Variants in SYK observed in about 807,000 individuals in gnomAD.
The protein encoded by SYK is spleen associated tyrosine kinase.
A neutral mutation model predicts 77.8 loss-of-function variants in SYK; 16 were observed. The observed-to-expected ratio is 0.21, with a 90% CI of 0.14 to 0.31. The LOEUF (loss-of-function observed/expected upper bound fraction) is 0.31. Among genes scored for constraint, SYK ranks in the 10% least tolerant of loss-of-function variants. SYK has a pLI of 1.00. For missense variants in SYK, 529 were observed against 814.4 expected (o/e 0.65, Z 4.26); for synonymous variants, 312 against 308.7 (o/e 1.01, Z -0.11).
Position 90,827,280 on chromosome 9 carries a change from T to C in SYK, c.-41-16578T>C, listed in dbSNP as rs1221565399. 5.3e-5 allele frequency among the ~76,000 whole-genome samples: 8 copies of C among 152,128 alleles called. No individual in the cohort carries two copies. In the East Asian group the frequency reaches 7.7e-4, roughly 15 times the overall value. On this transcript the variant is annotated intron_variant, in intron 1 of 13. Coordinates refer to ENST00000375754, the MANE Select transcript of SYK (RefSeq NM_003177.7). ...CTGGAGGGATCCATGTCTCAGAGCA[T>C]TACTTCATTTTGAATGTGCAATTAA...
Position 90,877,698 on chromosome 9 carries a change from G to C in SYK, c.1309G>C (p.Gly437Arg). The change falls in exon 10 of 14, where the codon GGG (glycine) becomes CGG (arginine). Residue 437 changes from glycine to arginine, a missense_variant. This residue lies in a region of SYK where 208 missense variants were observed against 381.3 expected (regional missense o/e 0.55). Coordinates refer to ENST00000375754, the MANE Select transcript of SYK (RefSeq NM_003177.7). ...CAACCCGTACATCGTGCGGATGATC[G>C]GGATATGCGAGGCCGAGTCCTGGAT... ...LDNPYIVRMI[G>R]ICEAESWMLV... 1 of 1,614,222 alleles carries C rather than the reference G, an allele frequency of 6.2e-7. No homozygotes were observed. The highest frequency in any genetic ancestry group is 1.1e-5 in the South Asian group (1 of 91,084).
At chr9:90,881,908 C>T (rs759201910) in intron 11 of SYK, among the ~76,000 whole-genome samples, 7 of 152,110 alleles carry the variant, frequency 4.6e-5, no homozygotes, top group Non-Finnish European at 1.0e-4. Context: ...CTGGAAACTG[C>T]CTGACGACTG....
intron 1 of SYK, among the ~76,000 whole-genome samples, chr9:90,816,385 C>T (rs532962631): frequency 6.6e-6 from 1 of 152,356 alleles, no homozygotes; most frequent in South Asian, 2.1e-4. Context: ...AAATCGTTCA[C>T]TGCCAGCCCT....
chr9:90,802,778 C>A (rs1035048330), intron 1 of SYK, among the ~76,000 whole-genome samples: 9 of 107,886 alleles, frequency 8.3e-5, no homozygotes, highest in Non-Finnish European at 1.5e-4. Flanking sequence ...AAGATTCAGT[C>A]GAACTCAAGT....
At chr9:90,849,350 AC>A (rs1419247395) in intron 3 of SYK, among the ~76,000 whole-genome samples, 6 of 152,090 alleles carry the variant, frequency 3.9e-5, no homozygotes, top group Non-Finnish European at 8.8e-5. Context: ...CCGTGCTTTT[AC>A]CTGGGTCCTG....
intron 3 of SYK, among the ~76,000 whole-genome samples, chr9:90,856,920 C>T (rs996091098): frequency 5.9e-5 from 9 of 152,216 alleles, no homozygotes; most frequent in African/African-American, 2.2e-4. Context: ...TTCCTCTTCA[C>T]AGGTCCTTGC....
At chr9:90,849,492 A>C (rs184462247) in intron 3 of SYK, among the ~76,000 whole-genome samples, 15 of 152,250 alleles carry the variant, frequency 9.9e-5, no homozygotes, top group Admixed American at 5.2e-4. Flanking sequence ...TAGTAATACC[A>C]CTGTAGTTCT....
intron 1 of SYK, among the ~76,000 whole-genome samples, chr9:90,812,811 G>A (rs1343360056): frequency 6.6e-6 from 1 of 151,210 alleles, no homozygotes; most frequent in Non-Finnish European, 1.5e-5. Context: ...GAGGGCTCGT[G>A]TTTTTCTGTT....
Position 90,888,516 on chromosome 9 carries a change from G to A in SYK, c.1724G>A (p.Gly575Glu). Reference protein sequence around the residue: ...AFSYGQKPYRGMKGSEVTAML... With the variant: ...AFSYGQKPYREMKGSEVTAML... ...TTATGCATATCTTGCATGTTGTAGG[G>A]GATGAAAGGAAGTGAAGTCACCGCT... is the stretch of plus-strand genomic sequence containing the variant. The change falls in exon 13 of 14, where the codon GGG becomes GAG. Residue 575 changes from glycine to glutamate, a missense_variant and splice_region_variant. Gly to Glu is a moderately conservative substitution (Grantham distance 98). This residue lies in a region of SYK where 208 missense variants were observed against 381.3 expected (regional missense o/e 0.55). Coordinates refer to ENST00000375754, the MANE Select transcript of SYK (RefSeq NM_003177.7). 1 of 1,604,326 alleles carries A rather than the reference G, an allele frequency of 6.2e-7. No homozygotes were observed. Among genetic ancestry groups the A allele is most frequent in the Non-Finnish European group, 8.5e-7 (1 of 1,176,786 alleles).
intron 1 of SYK, among the ~76,000 whole-genome samples, chr9:90,807,534 T>A (rs1434395552): frequency 6.9e-6 from 1 of 144,854 alleles, no homozygotes; most frequent in Non-Finnish European, 1.5e-5. Flanking sequence ...GCTCGGTACC[T>A]GGTATGTGGT....
chr9:90,886,253 A>G (rs1213621495), intron 11 of SYK, among the ~76,000 whole-genome samples: 3 of 152,214 alleles, frequency 2.0e-5, no homozygotes. Context: ...TTACAAACAC[A>G]ATGAGATACC....
intron 7 of SYK, among the ~76,000 whole-genome samples, chr9:90,869,330 T>C (rs149277779): frequency 0.012 from 1,772 of 152,280 alleles, 37 homozygotes; most frequent in African/African-American, 0.04. Context: ...AAAGTATACA[T>C]TGAATTTTTT....
intron 1 of SYK, among the ~76,000 whole-genome samples, chr9:90,822,289 T>C (rs1354417596): frequency 6.6e-6 from 1 of 152,234 alleles, no homozygotes; most frequent in Admixed American, 6.5e-5. Context: ...TTTATATTAG[T>C]TAATTAAGTC....
intron 7 of SYK, among the ~76,000 whole-genome samples, chr9:90,868,415 C>T (rs572708874): frequency 1.4e-4 from 22 of 151,954 alleles, no homozygotes; most frequent in African/African-American, 5.1e-4. Flanking sequence ...AGATAACAAC[C>T]ATAACATCAT....
At position 90,874,891 on chromosome 9, in the gene SYK, C is replaced by G. The variant is rs1009760645; in HGVS notation, c.1181+42C>G. On this transcript the variant is annotated intron_variant, in intron 9 of 13. Coordinates refer to ENST00000375754, the MANE Select transcript of SYK (RefSeq NM_003177.7). ...CACCAGCCTCACCCTCACATGAGCT[C>G]AGGTTCTAGACATGACTGAGAATAA... is the stretch of plus-strand genomic sequence containing the variant. 5 of 1,608,884 alleles carry G rather than the reference C, an allele frequency of 3.1e-6. No individual in the cohort carries two copies. In the African/African-American group the frequency reaches 6.7e-5, roughly 22 times the overall value.
At chr9:90,854,866 C>CTA (rs1158033816) in intron 3 of SYK, among the ~76,000 whole-genome samples, 1 of 152,044 alleles carries the variant, frequency 6.6e-6, no homozygotes. Flanking sequence ...CCCTTTTGTA[C>CTA]TAGCCAAGTT....
intron 1 of SYK, among the ~76,000 whole-genome samples, chr9:90,802,666 G>A (rs552171536): frequency 2.0e-5 from 3 of 152,168 alleles, no homozygotes; most frequent in East Asian, 3.9e-4. Flanking sequence ...TTGTTGGAAT[G>A]TTCAAGGACT....
At chr9:90,831,395 C>A (rs1388614428) in intron 1 of SYK, among the ~76,000 whole-genome samples, 1 of 152,244 alleles carries the variant, frequency 6.6e-6, no homozygotes, top group Non-Finnish European at 1.5e-5. Context: ...TAGGCTACCT[C>A]TTCTGGTTCA....
intron 3 of SYK, among the ~76,000 whole-genome samples, chr9:90,856,395 T>C (rs750794911): frequency 3.9e-5 from 6 of 152,242 alleles, no homozygotes; most frequent in Non-Finnish European, 7.3e-5. Flanking sequence ...AGACTCCTAT[T>C]AAATACAGTT....
Sources: gnomAD v4.1 joint callset for allele counts (sites outside exome capture counted in the v4.1 genomes callset) on GRCh38, gnomAD v4.1.1 for gene constraint, gnomAD v4.1.1 regional missense constraint, MANE v1.5 for transcripts, NCBI Gene and HGNC (gene_info 2026-07-23, HGNC 2026-07-21) for gene names.